The following PEBP4 variants were observed in gnomAD, a reference collection of about 807,000 sequenced individuals.
PEBP4 encodes phosphatidylethanolamine-binding protein 4.
Under a neutral mutation model 23.9 loss-of-function variants are expected in PEBP4, and 22 were observed. The observed-to-expected ratio is 0.92, with a 90% CI of 0.66 to 1.31. The LOEUF is 1.31. Ranked by LOEUF, PEBP4 falls within the 40% of genes most tolerant of loss-of-function variation. The pLI, the probability that PEBP4 is intolerant of heterozygous loss-of-function variation, is 0.00. For missense variants in PEBP4, 324 were observed against 281.7 expected, an observed-to-expected ratio of 1.15 and a Z score of -1.07; for synonymous variants, 112 against 99.3, an observed-to-expected ratio of 1.13 and a Z score of -0.76.
intron 6 of PEBP4, among the ~76,000 whole-genome samples, chr8:22,720,902 A>G (rs962451668): frequency 4.6e-5 from 7 of 152,222 alleles, no homozygotes; most frequent in African/African-American, 1.4e-4. Flanking sequence ...AACAGCGCCA[A>G]GTATACACTA....
intron 4 of PEBP4, among the ~76,000 whole-genome samples, chr8:22,732,003 C>G (rs935896702): frequency 6.6e-6 from 1 of 152,028 alleles, no homozygotes; most frequent in Non-Finnish European, 1.5e-5. Flanking sequence ...TAAGGGTGAA[C>G]AGTAATTATA....
chr8:22,930,012 C>T (rs144328291), upstream of PEBP4, among the ~76,000 whole-genome samples: 23 of 152,314 alleles, frequency 1.5e-4, no homozygotes, highest in Admixed American at 7.8e-4. Flanking sequence ...CCAGAGTCCA[C>T]GCTCTTAACC....
At chr8:22,765,049 C>T (rs917400954) in intron 4 of PEBP4, among the ~76,000 whole-genome samples, 1 of 152,152 alleles carries the variant, frequency 6.6e-6, no homozygotes, top group Non-Finnish European at 1.5e-5. Flanking sequence ...AGCATTCCCT[C>T]TCTCATACCT....
At chr8:22,840,704 T>G (rs1484360145) in intron 3 of PEBP4, among the ~76,000 whole-genome samples, 11 of 152,194 alleles carry the variant, frequency 7.2e-5, no homozygotes, top group Non-Finnish European at 1.5e-5. Context: ...TGGGAGAATG[T>G]CTGTGTTAAA....
chr8:22,761,728 A>G (rs758973716), intron 4 of PEBP4, among the ~76,000 whole-genome samples: 18 of 152,202 alleles, frequency 1.2e-4, no homozygotes, highest in Non-Finnish European at 2.4e-4. Context: ...AAGGAATACT[A>G]AACAGTAGAG....
intron 4 of PEBP4, among the ~76,000 whole-genome samples, chr8:22,738,455 G>T (rs1804917380): frequency 6.6e-6 from 1 of 152,168 alleles, no homozygotes; most frequent in Admixed American, 6.5e-5. Context: ...GCCAGAAACT[G>T]CTCGGTGATG....
chr8:22,902,916 C>T (rs988758130), intron 3 of PEBP4, among the ~76,000 whole-genome samples: 23 of 152,200 alleles, frequency 1.5e-4, no homozygotes, highest in Non-Finnish European at 2.8e-4. Context: ...CATAGCCTTG[C>T]GTTCCCACAC....
intron 4 of PEBP4, among the ~76,000 whole-genome samples, chr8:22,790,889 C>T (rs912565938): frequency 1.3e-5 from 2 of 152,102 alleles, no homozygotes; most frequent in African/African-American, 4.8e-5. Flanking sequence ...GTTTATATTA[C>T]CCTTAAATAC....
intron 3 of PEBP4, among the ~76,000 whole-genome samples, chr8:22,914,327 T>G (rs1369358015): frequency 1.3e-5 from 2 of 152,136 alleles, no homozygotes; most frequent in Admixed American, 6.5e-5. Context: ...ACTCCTGACC[T>G]CAAGCAAATC....
chr8:22,929,549 C>T (rs926168486), upstream of PEBP4, among the ~76,000 whole-genome samples: 6 of 152,206 alleles, frequency 3.9e-5, no homozygotes, highest in Admixed American at 1.3e-4. Context: ...ATCCTCATGC[C>T]AATCCTTGGA....
chr8:22,925,625 A>G lies in PEBP4; in HGVS notation c.131+1959T>C, dbSNP rs369392864. Reference sequence around the variant, plus strand: ...CCCATGCATGGGTCACCAGGGCACCAACATGTGATCTTGGCAGGGCAGAGC... The same window carrying G: ...CCCATGCATGGGTCACCAGGGCACCGACATGTGATCTTGGCAGGGCAGAGC... On this transcript the variant is annotated intron_variant, in intron 2 of 6. Transcript: ENST00000256404. Among the ~76,000 whole-genome samples, 29 of 152,316 alleles carry G rather than the reference A, an allele frequency of 1.9e-4. No individual in the cohort carries two copies. In the East Asian group the frequency reaches 4.4e-3, roughly 23 times the overall value.
rs6994719 is a variant in PEBP4 at position 22,753,088 on chromosome 8, G to A, written c.358-25868C>T. On this transcript the variant is annotated intron_variant, in intron 4 of 6. Transcript: ENST00000256404. Reference sequence around the variant, plus strand: ...GTGTGGTCAGGGAAGTATCCTGGTAGCTTAGTTCAGCGCACATTGATCGAG... The same window carrying A: ...GTGTGGTCAGGGAAGTATCCTGGTAACTTAGTTCAGCGCACATTGATCGAG... Among the ~76,000 whole-genome samples the A allele has an allele frequency of 6.4e-3, 973 of 152,332 alleles. 14 individuals carry two copies. The highest frequency in any genetic ancestry group is 0.023 in the African/African-American group (943 of 41,560).
intron 4 of PEBP4, among the ~76,000 whole-genome samples, chr8:22,790,308 G>C (rs1329841584): frequency 6.6e-6 from 1 of 152,204 alleles, no homozygotes; most frequent in Non-Finnish European, 1.5e-5. Flanking sequence ...TGGGGGCAGA[G>C]ACCCTTAGAA....
At chr8:22,875,639 G>A (rs911074047) in intron 3 of PEBP4, among the ~76,000 whole-genome samples, 1 of 152,100 alleles carries the variant, frequency 6.6e-6, no homozygotes, top group African/African-American at 2.4e-5. Flanking sequence ...GTCCCCTGTC[G>A]TCTGCGAAGG....
intron 4 of PEBP4, among the ~76,000 whole-genome samples, chr8:22,761,231 G>A (rs1317623443): frequency 2.6e-5 from 4 of 152,162 alleles, no homozygotes; most frequent in Non-Finnish European, 5.9e-5. Context: ...GAACTGTGGG[G>A]TGGGGTGTGT....
intron 4 of PEBP4, chr8:22,798,619 T>C (rs953212362): frequency 1.3e-5 from 2 of 153,000 alleles, no homozygotes; most frequent in Admixed American, 6.5e-5. Flanking sequence ...TGGCATGGCC[T>C]GGCATCCCTC....
intron 1 of PEBP4, among the ~76,000 whole-genome samples, chr8:22,939,002 C>A (rs1330321366): frequency 6.6e-6 from 1 of 152,204 alleles, no homozygotes; most frequent in Non-Finnish European, 1.5e-5. Flanking sequence ...GCACTTGGGC[C>A]ATCTTTTGTT....
At chr8:22,765,537 C>A (rs1585261033) in intron 4 of PEBP4, among the ~76,000 whole-genome samples, 1 of 152,198 alleles carries the variant, frequency 6.6e-6, no homozygotes, top group South Asian at 2.1e-4. Context: ...CTGGGAGGGA[C>A]CCCCTGCCTC....
intron 4 of PEBP4, among the ~76,000 whole-genome samples, chr8:22,739,051 G>C (rs56366250): frequency 0.13 from 19,821 of 152,196 alleles, 1,693 homozygotes; most frequent in Middle Eastern, 0.22. Context: ...CCCTGGCAGG[G>C]GGCCAGGACA....
Sources: gnomAD v4.1 joint callset for allele counts (sites outside exome capture counted in the v4.1 genomes callset) on GRCh38, gnomAD v4.1.1 for gene constraint, MANE v1.5 for transcripts, NCBI Gene and HGNC (gene_info 2026-07-23, HGNC 2026-07-21) for gene names.